The following PHACTR1 variants were observed in gnomAD, a reference collection of about 807,000 sequenced individuals.
The protein encoded by PHACTR1 is phosphatase and actin regulator 1.
PHACTR1 carries 16 observed loss-of-function variants against 69.2 expected under a neutral mutation model. The ratio of observed to expected loss-of-function variants is 0.23; its 90% CI spans 0.16 to 0.35. The LOEUF (loss-of-function observed/expected upper bound fraction) is 0.35, where lower values mean the gene tolerates loss of function less well. Ranked by LOEUF, PHACTR1 falls within the 10% of genes least tolerant of loss-of-function variation. PHACTR1 has a pLI of 1.00. For missense variants in PHACTR1, 510 were observed against 734.7 expected (o/e 0.69, Z 3.54); for synonymous variants, 312 against 284.5 (o/e 1.10, Z -0.97).
At chr6:12,947,944 T>C (rs1318197610) in intron 4 of PHACTR1, among the ~76,000 whole-genome samples, 1 of 152,266 alleles carries the variant, frequency 6.6e-6, no homozygotes, top group Non-Finnish European at 1.5e-5. Context: ...GACGAATTAA[T>C]ATATAAATGA....
chr6:13,124,969 A>C (rs1819307350), intron 5 of PHACTR1, among the ~76,000 whole-genome samples: 1 of 152,240 alleles, frequency 6.6e-6, no homozygotes. Context: ...TTCAAACTAA[A>C]GATGTCCTGG....
At position 12,867,029 on chromosome 6, in the gene PHACTR1, A is replaced by T. The variant is rs867437065; in HGVS notation, c.250+117239A>T. ...GCTTAGCTAATAGTTTGGAACCTGT[A>T]GTGAAGAGAGAGAGAGAGAAGTTCA... On this transcript the variant is annotated intron_variant, in intron 4 of 14. Coordinates refer to ENST00000332995, the MANE Select transcript of PHACTR1 (RefSeq NM_030948.6). 3.3e-5 allele frequency among the ~76,000 whole-genome samples: 5 copies of T among 152,240 alleles called. No homozygotes were observed. In the Middle Eastern group the frequency reaches 0.017, roughly 518 times the overall value.
chr6:12,865,932 T>C (rs1260708281), intron 4 of PHACTR1, among the ~76,000 whole-genome samples: 1 of 152,200 alleles, frequency 6.6e-6, no homozygotes, highest in African/African-American at 2.4e-5. Context: ...GGTTCCATCC[T>C]GTGCTTTTTG....
At chr6:12,795,842 G>T (rs182465735) in intron 4 of PHACTR1, among the ~76,000 whole-genome samples, 5 of 151,626 alleles carry the variant, frequency 3.3e-5, no homozygotes, top group Non-Finnish European at 7.4e-5. Flanking sequence ...GGGAAGTCTT[G>T]ATAGAATACT....
chr6:13,141,743 T>G (rs1262338389), intron 5 of PHACTR1, among the ~76,000 whole-genome samples: 3 of 147,998 alleles, frequency 2.0e-5, no homozygotes, highest in African/African-American at 5.0e-5. Flanking sequence ...TTTTTTTTTT[T>G]GTTGTGCTTG....
intron 5 of PHACTR1, among the ~76,000 whole-genome samples, chr6:13,115,314 AGC>A (rs1817649038): frequency 1.3e-5 from 2 of 152,196 alleles, no homozygotes; most frequent in African/African-American, 4.8e-5. Context: ...ACCAACCTAC[AGC>A]TACACAGTAC....
In PHACTR1 at chr6:12,896,516, C is replaced by T. The variant is rs76613884; in HGVS notation, c.250+146726C>T. Among the ~76,000 whole-genome samples, 237 of 152,298 alleles carry T rather than the reference C, an allele frequency of 1.6e-3. 4 individuals carry two copies. In the East Asian group the frequency reaches 0.018, roughly 12 times the overall value. ...ATGCCCGGATCACGGAGGCCCACCC[C>T]AACCCTAAGGTACAATTAAGTGCTT... On this transcript the variant is annotated intron_variant, in intron 4 of 14. Coordinates refer to ENST00000332995, the MANE Select transcript of PHACTR1 (RefSeq NM_030948.6).
intron 5 of PHACTR1, among the ~76,000 whole-genome samples, chr6:13,150,200 C>A (rs1225299580): frequency 6.6e-6 from 1 of 152,004 alleles, no homozygotes; most frequent in Non-Finnish European, 1.5e-5. Context: ...TACAAGTTAG[C>A]CTGGTGTGGT....
intron 6 of PHACTR1, among the ~76,000 whole-genome samples, chr6:13,171,471 G>A (rs1268202390): frequency 6.6e-6 from 1 of 152,226 alleles, no homozygotes; most frequent in Non-Finnish European, 1.5e-5. Flanking sequence ...AAGGCCCATG[G>A]TTGTGATTTT....
chr6:12,806,469 C>G (rs1213239273), intron 4 of PHACTR1, among the ~76,000 whole-genome samples: 1 of 152,048 alleles, frequency 6.6e-6, no homozygotes, highest in Non-Finnish European at 1.5e-5. Flanking sequence ...ATGGACTAAG[C>G]ACCTCCCTAA....
chr6:13,027,683 A>AT (rs56339338), intron 4 of PHACTR1, among the ~76,000 whole-genome samples: 104,662 of 150,600 alleles, frequency 0.69, 38,420 homozygotes, highest in East Asian at 0.87. Flanking sequence ...AATATGTGGA[A>AT]TTTTTTTTTT....
Position 12,748,804 on chromosome 6 carries a change from A to T in PHACTR1, c.104-840A>T, listed in dbSNP as rs530081047. ...CTTATGTAGAGATAACACAACCCAG[A>T]AGTTAGTGGTTAGAAAAGGCCACTC... On this transcript the variant is annotated intron_variant, in intron 3 of 14. Transcript: ENST00000332995. Among the ~76,000 whole-genome samples the T allele has an allele frequency of 5.9e-5, 9 of 152,312 alleles. No individual in the cohort carries two copies. In the South Asian group the frequency reaches 1.9e-3, roughly 32 times the overall value.
At chr6:12,843,865 G>C (rs940148217) in intron 4 of PHACTR1, among the ~76,000 whole-genome samples, 1 of 152,174 alleles carries the variant, frequency 6.6e-6, no homozygotes, top group Admixed American at 6.5e-5. Flanking sequence ...TGTATACAAT[G>C]TTTTAGCTGG....
intron 4 of PHACTR1, among the ~76,000 whole-genome samples, chr6:12,901,456 G>C (rs191938586): frequency 6.6e-6 from 1 of 152,208 alleles, no homozygotes; most frequent in East Asian, 1.9e-4. Flanking sequence ...AAAGAGGGAG[G>C]GAGAGAGGGC....
chr6:12,740,841 T>C (rs999989846), intron 3 of PHACTR1, among the ~76,000 whole-genome samples: 9 of 152,076 alleles, frequency 5.9e-5, no homozygotes, highest in African/African-American at 1.9e-4. Flanking sequence ...AGTTTTAGGA[T>C]CCATAGTGAT....
intron 5 of PHACTR1, among the ~76,000 whole-genome samples, chr6:13,088,721 G>T (rs1441083807): frequency 6.6e-6 from 1 of 152,056 alleles, no homozygotes; most frequent in African/African-American, 2.4e-5. Flanking sequence ...TTGATTCTCA[G>T]CCTTTTGGAT....
chr6:12,957,588 AGAGACGTCT>A (rs1455832970), intron 4 of PHACTR1: 4 of 985,564 alleles, frequency 4.1e-6, no homozygotes, highest in Non-Finnish European at 3.6e-6. Flanking sequence ...CTGCCACTTT[AGAGACGTCT>A]GAGTACCCGC....
intron 4 of PHACTR1, among the ~76,000 whole-genome samples, chr6:12,848,340 A>T (rs569129537): frequency 5.9e-5 from 9 of 152,074 alleles, no homozygotes; most frequent in African/African-American, 2.2e-4. Flanking sequence ...CATATGTTAA[A>T]CTACAAGATT....
At chr6:13,251,622 C>T (rs569320418) in intron 10 of PHACTR1, among the ~76,000 whole-genome samples, 9 of 152,152 alleles carry the variant, frequency 5.9e-5, no homozygotes, top group Non-Finnish European at 1.2e-4. Context: ...GAAGAGAACA[C>T]GGACTAATGT....
Sources: allele counts gnomAD v4.1 joint callset (sites outside exome capture counted in the v4.1 genomes callset), GRCh38; gene constraint gnomAD v4.1.1; transcripts MANE v1.5; gene names NCBI Gene and HGNC (gene_info 2026-07-23, HGNC 2026-07-21).